The following IL1RAPL2 variants were observed in gnomAD, a reference collection of about 807,000 sequenced individuals.
The protein encoded by IL1RAPL2 is X-linked interleukin-1 receptor accessory protein-like 2.
In IL1RAPL2, 3 loss-of-function variants were observed where a neutral mutation model predicts 44.1. The ratio of observed to expected loss-of-function variants is 0.07; its 90% confidence interval spans 0.03 to 0.18. The LOEUF (loss-of-function observed/expected upper bound fraction) is 0.18. Ranked by LOEUF, IL1RAPL2 falls within the 10% of genes least tolerant of loss-of-function variation. The pLI, the probability that IL1RAPL2 is intolerant of heterozygous loss-of-function variation, is 1.00. For missense variants in IL1RAPL2, 391 were observed against 496.4 expected, an observed-to-expected ratio of 0.79 and a Z score of 2.02; for synonymous variants, 181 against 178.8, an observed-to-expected ratio of 1.01 and a Z score of -0.10.
chrX:104,591,241 G>T (rs1223532789), intron 1 of IL1RAPL2, among the ~76,000 whole-genome samples: 1 of 110,935 alleles, frequency 9.0e-6, no homozygotes, highest in African/African-American at 3.3e-5. Flanking sequence ...ACTAGTATTG[G>T]ACTAGTAGGT....
At chrX:105,287,176 T>A (rs1446006683) in intron 5 of IL1RAPL2, among the ~76,000 whole-genome samples, 1 of 111,677 alleles carries the variant, frequency 9.0e-6, no homozygotes, top group Non-Finnish European at 1.9e-5. Context: ...TTTGACCTAA[T>A]CAGTGAGATC....
chrX:104,728,767 G>A (rs1170683346), intron 2 of IL1RAPL2, among the ~76,000 whole-genome samples: 1 of 111,550 alleles, frequency 9.0e-6, no homozygotes, highest in Admixed American at 9.5e-5. Context: ...GAGAGCACGG[G>A]CCTGTTTTCT....
intron 2 of IL1RAPL2, among the ~76,000 whole-genome samples, chrX:104,918,754 A>T (rs1039592557): frequency 3.6e-5 from 4 of 112,051 alleles, no homozygotes; most frequent in African/African-American, 9.7e-5. Context: ...ACGGAGGCAA[A>T]ATCTTAGTTG....
chrX:104,780,888 C>A (rs975967544), intron 2 of IL1RAPL2, among the ~76,000 whole-genome samples: 1 of 111,168 alleles, frequency 9.0e-6, no homozygotes, highest in African/African-American at 3.3e-5. Flanking sequence ...TCTAAGGAAG[C>A]CTATTTGGTA....
At chrX:104,844,089 G>A (rs1921979772) in intron 2 of IL1RAPL2, among the ~76,000 whole-genome samples, 1 of 109,931 alleles carries the variant, frequency 9.1e-6, no homozygotes, top group Non-Finnish European at 1.9e-5. Flanking sequence ...TAGTGCCCAA[G>A]TGTTGCTGTT....
At chrX:104,728,392 G>C (rs1339098959) in intron 2 of IL1RAPL2, among the ~76,000 whole-genome samples, 1 of 111,318 alleles carries the variant, frequency 9.0e-6, no homozygotes, top group Non-Finnish European at 1.9e-5. Flanking sequence ...CTAAATAAGA[G>C]GTACATCTAA....
At chrX:105,714,191 A>G (rs12557027) in intron 6 of IL1RAPL2, among the ~76,000 whole-genome samples, 4,264 of 111,405 alleles carry the variant, frequency 0.038, 85 homozygotes, top group Middle Eastern at 0.1. Flanking sequence ...TTTACTGTCC[A>G]TATTCCTACC....
rs1480469973 is a variant in IL1RAPL2 at position 105,447,627 on chromosome X, ATATT to A, written c.698-36682_698-36679del. 1.1e-3 allele frequency among the ~76,000 whole-genome samples: 89 copies of A among 80,569 alleles called. 2 individuals carry two copies. Among genetic ancestry groups the A allele is most frequent in the African/African-American group, 4.3e-3 (85 of 19,555 alleles). 70.0% of individuals were successfully genotyped at this position (80,569 alleles called of 115,157 possible). A position where few individuals can be genotyped will look rare whatever the true frequency, so the allele number is the denominator to read the frequency against. On this transcript the variant is annotated intron_variant, in intron 5 of 10. Transcript: ENST00000372582. ...AATATAAATATATAAACATAAATAT[ATATT>A]TATATAAATATAAATATAAATATAA...
chrX:105,262,583 G>A (rs1481220289), intron 4 of IL1RAPL2, among the ~76,000 whole-genome samples: 8 of 111,429 alleles, frequency 7.2e-5, no homozygotes, highest in Non-Finnish European at 1.5e-4. Flanking sequence ...AATAGGTGAA[G>A]CAACTGAAGC....
At position 104,635,071 on chromosome X, in the gene IL1RAPL2, G is replaced by C. The variant is rs753565619; in HGVS notation, c.-19-23824G>C. Reference sequence around the variant, plus strand: ...AAAATCTCTCAGCATTTGCTTGTCTGTAAAGGATTTTATTTCTCCTTCACT... The same window carrying C: ...AAAATCTCTCAGCATTTGCTTGTCTCTAAAGGATTTTATTTCTCCTTCACT... On this transcript the variant is annotated intron_variant, in intron 1 of 10. Coordinates refer to ENST00000372582, the MANE Select transcript of IL1RAPL2 (RefSeq NM_017416.2). 7.2e-5 allele frequency among the ~76,000 whole-genome samples: 8 copies of C among 111,148 alleles called. No homozygotes were observed. The East Asian group carries it at 2.3e-3, about 32-fold the overall frequency.
intron 2 of IL1RAPL2, among the ~76,000 whole-genome samples, chrX:104,758,267 G>A (rs994442070): frequency 8.9e-5 from 10 of 111,933 alleles, no homozygotes; most frequent in African/African-American, 3.2e-4. Flanking sequence ...AGTTCAGCAA[G>A]CTACTCTTAA....
chrX:104,689,981 A>G (rs1354184855), intron 2 of IL1RAPL2, among the ~76,000 whole-genome samples: 6 of 112,368 alleles, frequency 5.3e-5, no homozygotes, highest in Non-Finnish European at 1.1e-4. Context: ...TTATGAGAAT[A>G]AATTTGCATT....
chrX:104,888,978 T>C lies in IL1RAPL2; in HGVS notation c.82+229983T>C, dbSNP rs903956777. On this transcript the variant is annotated intron_variant, in intron 2 of 10. Coordinates refer to ENST00000372582, the MANE Select transcript of IL1RAPL2 (RefSeq NM_017416.2). The stretch of plus-strand genomic sequence containing the variant: ...TTAACTTTCTAAGTTCCTTTATGCA[T>C]CCAGTGCAACCTGTTATCAGGCCTG... Among the ~76,000 whole-genome samples, 4 of 111,329 alleles carry C rather than the reference T, an allele frequency of 3.6e-5. No individual in the cohort carries two copies. In the Admixed American group the frequency reaches 3.8e-4, roughly 11 times the overall value.
intron 5 of IL1RAPL2, among the ~76,000 whole-genome samples, chrX:105,289,153 C>A (rs1445083640): frequency 9.0e-6 from 1 of 110,700 alleles, no homozygotes; most frequent in Non-Finnish European, 1.9e-5. Context: ...CCATGTAGAC[C>A]AGAGTTCAGA....
chrX:105,653,317 T>A (rs188374963), intron 6 of IL1RAPL2, among the ~76,000 whole-genome samples: 24 of 111,927 alleles, frequency 2.1e-4, no homozygotes, highest in African/African-American at 7.1e-4. Flanking sequence ...GAATTTGTGA[T>A]GCTGAAAAAT....
chrX:105,586,056 A>G (rs1193979823), intron 6 of IL1RAPL2, among the ~76,000 whole-genome samples: 2 of 112,436 alleles, frequency 1.8e-5, no homozygotes, highest in Non-Finnish European at 3.8e-5. Flanking sequence ...CATCAAAGTG[A>G]ACAAACAACA....
chrX:105,194,642 A>T (rs2033659361), intron 2 of IL1RAPL2, among the ~76,000 whole-genome samples: 1 of 111,529 alleles, frequency 9.0e-6, no homozygotes, highest in South Asian at 3.8e-4. Context: ...CTAAGCAGAA[A>T]GGGAGGCCTA....
intron 6 of IL1RAPL2, among the ~76,000 whole-genome samples, chrX:105,612,861 G>A (rs1207556988): frequency 3.6e-5 from 4 of 111,820 alleles, no homozygotes; most frequent in Admixed American, 9.4e-5. Flanking sequence ...GGCAAGCCTC[G>A]CCACCATGGG....
chrX:104,722,452 T>C lies in IL1RAPL2; in HGVS notation c.82+63457T>C, dbSNP rs185679560. The stretch of plus-strand genomic sequence containing the variant: ...AGTTTGTGGAACACCTAGTTTACAG[T>C]GAGGATATTGAGAGGGAGACAGGGT... On this transcript the variant is annotated intron_variant, in intron 2 of 10. Transcript: ENST00000372582. Among the ~76,000 whole-genome samples the C allele has an allele frequency of 1.3e-3, 141 of 111,332 alleles. 1 individual carries two copies. The highest frequency in any genetic ancestry group is 4.3e-3 in the African/African-American group (132 of 30,763).
Sources: gnomAD v4.1 joint callset for allele counts (sites outside exome capture counted in the v4.1 genomes callset) on GRCh38, gnomAD v4.1.1 for gene constraint, MANE v1.5 for transcripts, NCBI Gene and HGNC (gene_info 2026-07-23, HGNC 2026-07-21) for gene names.